CSMD1: variants seen among roughly 807,000 people sequenced by gnomAD.
CSMD1 encodes CUB and sushi domain-containing protein 1.
Under a neutral mutation model 417.5 loss-of-function variants are expected in CSMD1, and 213 were observed. The ratio of observed to expected loss-of-function variants is 0.51; its 90% confidence interval spans 0.46 to 0.57. The LOEUF is 0.57. CSMD1 is among the 20% of genes least tolerant of loss of function. The probability of loss-of-function intolerance (pLI) is 0.00; values close to 1 mark genes in which losing one functional copy is unlikely to be tolerated. For missense variants in CSMD1, 6,923 were observed against 4,529.7 expected (o/e 1.53, Z -15.17); for synonymous variants, 2,862 against 1,736.8 (o/e 1.65, Z -16.11).
At chr8:4,025,584 G>C (rs958114491) in intron 4 of CSMD1, among the ~76,000 whole-genome samples, 9 of 152,064 alleles carry the variant, frequency 5.9e-5, no homozygotes, top group African/African-American at 1.9e-4. Flanking sequence ...TGTAAGAAGT[G>C]AAACAGTAAA....
At chr8:3,701,443 G>A (rs751110050) in intron 7 of CSMD1, among the ~76,000 whole-genome samples, 2 of 152,064 alleles carry the variant, frequency 1.3e-5, no homozygotes, top group East Asian at 1.9e-4. Flanking sequence ...TGCTGCTGGC[G>A]GTTATGGTGC....
At chr8:4,318,336 A>G (rs1423738255) in intron 3 of CSMD1, among the ~76,000 whole-genome samples, 4 of 152,078 alleles carry the variant, frequency 2.6e-5, no homozygotes, top group South Asian at 4.1e-4. Flanking sequence ...TAGGTCATCC[A>G]TCCCTCCTCT....
At chr8:3,395,939 C>T (rs1253801676) in intron 17 of CSMD1, among the ~76,000 whole-genome samples, 1 of 152,094 alleles carries the variant, frequency 6.6e-6, no homozygotes, top group Non-Finnish European at 1.5e-5. Flanking sequence ...AGAAGATGAA[C>T]CCATTTCATT....
rs563820831 is a variant in CSMD1 at position 4,445,735 on chromosome 8, A to G, written c.303-25670T>C. Among the ~76,000 whole-genome samples the G allele has an allele frequency of 8.6e-5, 13 of 151,072 alleles. 2 individuals are homozygous for G. The South Asian group carries it at 1.3e-3, about 15-fold the overall frequency. On this transcript the variant is annotated intron_variant, in intron 2 of 69. Coordinates refer to ENST00000635120, the MANE Select transcript of CSMD1 (RefSeq NM_033225.6). Reference sequence around the variant, plus strand: ...TATTTGGGGGCGTAACGTTGCATTAAGTATCCAATAATAGACGGTCCTGAG... The same window carrying G: ...TATTTGGGGGCGTAACGTTGCATTAGGTATCCAATAATAGACGGTCCTGAG...
chr8:4,641,215 C>T (rs1162095732), intron 1 of CSMD1, among the ~76,000 whole-genome samples: 1 of 151,886 alleles, frequency 6.6e-6, no homozygotes, highest in Admixed American at 6.5e-5. Flanking sequence ...ATAATTCAAA[C>T]AAACTTCCAA....
intron 1 of CSMD1, among the ~76,000 whole-genome samples, chr8:4,962,187 G>C (rs1387378171): frequency 1.0e-5 from 1 of 98,318 alleles, no homozygotes; most frequent in Non-Finnish European, 2.2e-5. Context: ...GTAAATTTCT[G>C]CTTTTTTTTT....
chr8:3,225,969 T>A (rs11786517), intron 27 of CSMD1, among the ~76,000 whole-genome samples: 55,216 of 152,148 alleles, frequency 0.36, 11,116 homozygotes, highest in Admixed American at 0.48. Flanking sequence ...ACCAACCCTT[T>A]TACAAAACCT....
At chr8:3,514,709 C>G (rs955454965) in intron 10 of CSMD1, among the ~76,000 whole-genome samples, 2 of 151,990 alleles carry the variant, frequency 1.3e-5, no homozygotes, top group African/African-American at 4.8e-5. Flanking sequence ...TCATTTGAAG[C>G]TGAACCATGA....
At chr8:3,671,113 GTA>G (rs1799006528) in intron 7 of CSMD1, among the ~76,000 whole-genome samples, 3 of 145,602 alleles carry the variant, frequency 2.1e-5, no homozygotes, top group Non-Finnish European at 4.5e-5. Flanking sequence ...GGATATATAT[GTA>G]TATGGGATAT....
chr8:4,829,869 A>G (rs1236250695), intron 1 of CSMD1, among the ~76,000 whole-genome samples: 1 of 152,190 alleles, frequency 6.6e-6, no homozygotes, highest in Non-Finnish European at 1.5e-5. Context: ...TCAGAGTGGT[A>G]CAAAGTTTAC....
intron 1 of CSMD1, among the ~76,000 whole-genome samples, chr8:4,884,806 A>C (rs1803634055): frequency 1.3e-5 from 2 of 152,008 alleles, no homozygotes; most frequent in African/African-American, 4.8e-5. Flanking sequence ...TGAGTTCTCT[A>C]ACTTTATTCC....
At chr8:3,472,375 C>T (rs145184467) in intron 11 of CSMD1, among the ~76,000 whole-genome samples, 1 of 152,116 alleles carries the variant, frequency 6.6e-6, no homozygotes, top group Non-Finnish European at 1.5e-5. Flanking sequence ...GGGACCTCTA[C>T]TAATGATTTT....
intron 4 of CSMD1, 129 bp from the exon 5 acceptor site, chr8:3,998,239 GA>G (rs1404560619): frequency 1.1e-5 from 3 of 270,842 alleles, no homozygotes; most frequent in African/African-American, 3.4e-5. Flanking sequence ...CACTCAATCT[GA>G]AAAAGAATCT....
chr8:4,217,947 G>C (rs867321744), intron 3 of CSMD1, among the ~76,000 whole-genome samples: 2 of 152,166 alleles, frequency 1.3e-5, no homozygotes, highest in Non-Finnish European at 2.9e-5. Context: ...AATGTGCAGA[G>C]GCTCCAGGTA....
At chr8:4,349,070 A>G (rs1800938458) in intron 3 of CSMD1, among the ~76,000 whole-genome samples, 1 of 152,224 alleles carries the variant, frequency 6.6e-6, no homozygotes, top group African/African-American at 2.4e-5. Context: ...TATTAACATG[A>G]CTCATGAAAT....
intron 3 of CSMD1, among the ~76,000 whole-genome samples, chr8:4,404,507 T>TG (rs1021480472): frequency 1.5e-4 from 23 of 152,030 alleles, no homozygotes; most frequent in African/African-American, 5.6e-4. Flanking sequence ...AGATGAGCAG[T>TG]GGGGGGCAAA....
intron 49 of CSMD1, among the ~76,000 whole-genome samples, chr8:3,054,576 C>A (rs1003109401): frequency 6.6e-6 from 1 of 152,118 alleles, no homozygotes; most frequent in Non-Finnish European, 1.5e-5. Flanking sequence ...TGAAATTATG[C>A]CAGTGCACTC....
chr8:4,848,357 A>C (rs952050057), intron 1 of CSMD1, among the ~76,000 whole-genome samples: 1 of 152,192 alleles, frequency 6.6e-6, no homozygotes, highest in Non-Finnish European at 1.5e-5. Flanking sequence ...CCACCTATAC[A>C]ATGGTGGTCA....
intron 5 of CSMD1, among the ~76,000 whole-genome samples, chr8:3,791,353 G>C (rs181001289): frequency 1.7e-3 from 261 of 152,312 alleles, no homozygotes; most frequent in African/African-American, 6.1e-3. Flanking sequence ...CTGAAACAAT[G>C]TGAAAAAATA....
Sources: gnomAD v4.1 joint callset for allele counts (sites outside exome capture counted in the v4.1 genomes callset) on GRCh38, gnomAD v4.1.1 for gene constraint, MANE v1.5 for transcripts, NCBI Gene and HGNC (gene_info 2026-07-23, HGNC 2026-07-21) for gene names.